DOCK11: variants seen among roughly 807,000 people sequenced by gnomAD.
DOCK11 encodes dedicator of cytokinesis 11, also known as dedicator of cytokinesis protein 11.
Under a neutral mutation model 169.1 loss-of-function variants are expected in DOCK11, and 70 were observed. The observed-to-expected ratio is 0.41, with a 90% CI of 0.34 to 0.51. DOCK11 has a LOEUF of 0.51. DOCK11 is among the 20% of genes least tolerant of loss of function. The pLI, the probability that DOCK11 is intolerant of heterozygous loss-of-function variation, is 0.10. For missense variants in DOCK11, 1,166 were observed against 1,538.8 expected, an observed-to-expected ratio of 0.76 and a Z score of 4.05; for synonymous variants, 529 against 541.3, an observed-to-expected ratio of 0.98 and a Z score of 0.32.
intron 14 of DOCK11, among the ~76,000 whole-genome samples, chrX:118,583,993 G>C (rs191861193): frequency 2.7e-3 from 298 of 111,345 alleles, no homozygotes; most frequent in Admixed American, 7.6e-3. Context: ...TGGATACAGA[G>C]AACCGACTCT....
At position 118,566,103 on chromosome X, in the gene DOCK11, G is replaced by C; in HGVS notation, c.792G>C (p.Leu264Phe). 8.3e-7 allele frequency: 1 copy of C among 1,210,112 alleles called. No homozygotes were observed. Among genetic ancestry groups the C allele is most frequent in the Non-Finnish European group, 1.1e-6 (1 of 894,427 alleles). Residue 264 changes from leucine to phenylalanine, a missense_variant, in exon 8 of 53, where the codon TTG becomes TTC. Transcript: ENST00000276202. ...CTGAGCAGGAAATGGAGGAATGGTT[G>C]ATAACTTTGAAAAAGATTATTCAGA... is the stretch of plus-strand genomic sequence containing the variant. Reference protein sequence around the residue: ...AETEQEMEEWLITLKKIIQIN... With the variant: ...AETEQEMEEWFITLKKIIQIN...
rs1284683745 is a variant in DOCK11 at position 118,643,457 on chromosome X, A to G, written c.4261A>G (p.Thr1421Ala). The change falls in exon 40 of 53, where the codon ACC becomes GCC. Residue 1421 changes from threonine (T) to alanine (A), a missense_variant and splice_region_variant. Thr to Ala is a moderately conservative substitution (Grantham distance 58). Transcript: ENST00000276202. Reference sequence around the variant, plus strand: ...AACCATATTTTTTAATGTTTTATAGACCCAACTTTTAAATAATGATGGCCA... The same window carrying G: ...AACCATATTTTTTAATGTTTTATAGGCCCAACTTTTAAATAATGATGGCCA... Reference protein sequence around the residue: ...TISFFTQCFKTQLLNNDGHNP... With the variant: ...TISFFTQCFKAQLLNNDGHNP... The G allele has an allele frequency of 4.1e-6, 5 of 1,205,157 alleles. No homozygotes were observed. The highest frequency in any genetic ancestry group is 5.6e-6 in the Non-Finnish European group (5 of 892,723).
At chrX:118,617,911 G>A (rs1211984208) in intron 30 of DOCK11, among the ~76,000 whole-genome samples, 1 of 110,997 alleles carries the variant, frequency 9.0e-6, no homozygotes, top group African/African-American at 3.3e-5. Flanking sequence ...AATAGACTGA[G>A]GATCTTAAAG....
intron 18 of DOCK11, among the ~76,000 whole-genome samples, chrX:118,588,887 C>T (rs954387403): frequency 1.8e-5 from 2 of 112,364 alleles, no homozygotes; most frequent in Admixed American, 1.9e-4. Context: ...ACTTCTACTC[C>T]GTGACTGGCC....
At chrX:118,518,125 A>G (rs2057700956) in intron 1 of DOCK11, among the ~76,000 whole-genome samples, 1 of 112,285 alleles carries the variant, frequency 8.9e-6, no homozygotes, top group Admixed American at 9.5e-5. Context: ...GATTTTGAAC[A>G]TGCTGAATCT....
intron 6 of DOCK11, among the ~76,000 whole-genome samples, chrX:118,547,305 A>G (rs1327801883): frequency 8.9e-6 from 1 of 111,852 alleles, no homozygotes; most frequent in Non-Finnish European, 1.9e-5. Context: ...TACCAAGGGA[A>G]GACTCAAATT....
chrX:118,639,659 C>T, intron 38 of DOCK11, 82 bp downstream of exon 38: 1 of 983,644 alleles, frequency 1.0e-6, no homozygotes, highest in Non-Finnish European at 1.4e-6. Flanking sequence ...GTGATGGATA[C>T]CATAAATACC....
chrX:118,611,994 C>A (rs189471978), intron 28 of DOCK11, among the ~76,000 whole-genome samples: 103 of 112,230 alleles, frequency 9.2e-4, no homozygotes, highest in African/African-American at 3.0e-3. Context: ...ATCTGCCCCT[C>A]TTGGCCTGAA....
intron 44 of DOCK11, among the ~76,000 whole-genome samples, chrX:118,656,543 A>G (rs776004644): frequency 8.9e-6 from 1 of 112,240 alleles, no homozygotes; most frequent in African/African-American, 3.2e-5. Flanking sequence ...AAATCACAGT[A>G]TAAGTAAATA....
intron 35 of DOCK11, chrX:118,632,915 G>A (rs1245570273): frequency 2.1e-5 from 2 of 95,954 alleles, no homozygotes; most frequent in East Asian, 3.5e-4. Context: ...AGACTGTTCT[G>A]TTGGAAAAGT....
At chrX:118,504,762 C>T (rs1250957172) in intron 1 of DOCK11, among the ~76,000 whole-genome samples, 1 of 111,905 alleles carries the variant, frequency 8.9e-6, no homozygotes, top group African/African-American at 3.2e-5. Context: ...AGCCTACAGC[C>T]AGATGCCTTT....
intron 9 of DOCK11, 92 bp downstream of exon 9, chrX:118,566,745 T>C (rs989956454): frequency 2.4e-5 from 20 of 841,305 alleles, no homozygotes; most frequent in Non-Finnish European, 3.0e-5. Flanking sequence ...GGCAATGTCA[T>C]TTCCACGTTA....
rs150009667 is a variant in DOCK11, at chrX:118,587,140, G to T, written c.1796-997G>T. 1.6e-3 allele frequency among the ~76,000 whole-genome samples: 176 copies of T among 112,163 alleles called. 1 individual carries two copies. Among genetic ancestry groups the T allele is most frequent in the African/African-American group, 5.1e-3 (158 of 30,946 alleles). On this transcript the variant is annotated intron_variant, in intron 16 of 52. Transcript: ENST00000276202. ...ACACTGTCAGTGTGGTTAAGATAAT[G>T]ATGCTACACTGATACCATGAAACTT...
At chrX:118,685,276 A>AC (rs770633514) in intron 52 of DOCK11, among the ~76,000 whole-genome samples, 1 of 112,176 alleles carries the variant, frequency 8.9e-6, no homozygotes, top group South Asian at 3.6e-4. Flanking sequence ...CAGGGAAGGA[A>AC]CATAGGTATC....
intron 1 of DOCK11, among the ~76,000 whole-genome samples, chrX:118,521,538 C>T (rs747976094): frequency 8.9e-6 from 1 of 112,412 alleles, no homozygotes; most frequent in Non-Finnish European, 1.9e-5. Flanking sequence ...AATTCACTGG[C>T]TTCTCATATT....
intron 1 of DOCK11, among the ~76,000 whole-genome samples, chrX:118,525,717 A>G (rs972539844): frequency 2.7e-5 from 3 of 111,743 alleles, no homozygotes; most frequent in African/African-American, 9.8e-5. Context: ...TTTTATGTAT[A>G]TTTTTACCAC....
At chrX:118,621,758 C>T (rs924412642) in intron 31 of DOCK11, among the ~76,000 whole-genome samples, 1 of 111,108 alleles carries the variant, frequency 9.0e-6, no homozygotes, top group Middle Eastern at 4.2e-3. Context: ...CTCAGCCTCC[C>T]GAGTAGCTGG....
Position 118,615,529 on chromosome X carries a change from C to T in DOCK11, c.3181-71C>T, listed in dbSNP as rs761318979. 45 of 834,399 alleles carry T rather than the reference C, an allele frequency of 5.4e-5. 1 individual carries two copies. The East Asian group carries it at 8.8e-4, about 16-fold the overall frequency. 68.8% of individuals were successfully genotyped at this position (834,399 alleles called of 1,213,427 possible). A position where few individuals can be genotyped will look rare whatever the true frequency, so the allele number is the denominator to read the frequency against. On this transcript the variant is annotated intron_variant, in intron 29 of 52. Transcript: ENST00000276202. ...AGCACTTCCGTTGTGAAAAATAATG[C>T]GCTGTATTAAATTCTTAAAATAGCA...
chrX:118,526,252 C>T (rs2011372742), intron 1 of DOCK11, among the ~76,000 whole-genome samples: 1 of 111,955 alleles, frequency 8.9e-6, no homozygotes, highest in Non-Finnish European at 1.9e-5. Context: ...CTTACTAAGC[C>T]ACAGAGCAAC....
Sources: allele counts gnomAD v4.1 joint callset (sites outside exome capture counted in the v4.1 genomes callset), GRCh38; gene constraint gnomAD v4.1.1; transcripts MANE v1.5; gene names NCBI Gene and HGNC (gene_info 2026-07-23, HGNC 2026-07-21).